The following CTNND2 variants were observed in gnomAD, a reference collection of about 807,000 sequenced individuals.
CTNND2 encodes the protein catenin delta-2.
In CTNND2, 22 loss-of-function variants were observed where a neutral mutation model predicts 144.4. The observed-to-expected ratio is 0.15, with a 90% CI of 0.11 to 0.22. CTNND2 has a LOEUF of 0.22. CTNND2 is among the 10% of genes least tolerant of loss of function. CTNND2 has a pLI of 1.00. For synonymous variants in CTNND2, 751 were observed against 695.6 expected (o/e 1.08, Z -1.25); for missense variants, 1,353 against 1,618.8 (o/e 0.84, Z 2.82).
intron 9 of CTNND2, among the ~76,000 whole-genome samples, chr5:11,316,429 T>C (rs1389396661): frequency 1.3e-5 from 2 of 151,356 alleles, no homozygotes. Context: ...TTTTAATCTT[T>C]TGGGGGCTCC....
At chr5:11,330,882 T>C (rs1411186466) in intron 9 of CTNND2, among the ~76,000 whole-genome samples, 1 of 152,118 alleles carries the variant, frequency 6.6e-6, no homozygotes, top group Non-Finnish European at 1.5e-5. Context: ...GGACACTGTT[T>C]AGCAAACATA....
At chr5:11,825,334 T>C (rs1793543082) in intron 1 of CTNND2, among the ~76,000 whole-genome samples, 1 of 152,088 alleles carries the variant, frequency 6.6e-6, no homozygotes, top group African/African-American at 2.4e-5. Context: ...AAAAGTACCT[T>C]ATCAGCCTTA....
intron 14 of CTNND2, among the ~76,000 whole-genome samples, chr5:11,105,796 A>G (rs17787646): frequency 0.073 from 11,178 of 152,186 alleles, 549 homozygotes; most frequent in Non-Finnish European, 0.1. Flanking sequence ...GGCTCATGAG[A>G]TATGTTGCTT....
intron 5 of CTNND2, among the ~76,000 whole-genome samples, chr5:11,399,310 T>A (rs1369113721): frequency 2.0e-5 from 3 of 152,156 alleles, no homozygotes; most frequent in African/African-American, 7.2e-5. Flanking sequence ...GCACAGACCT[T>A]TGGAAATATC....
intron 1 of CTNND2, among the ~76,000 whole-genome samples, chr5:11,873,581 T>C (rs956724060): frequency 6.6e-6 from 1 of 152,232 alleles, no homozygotes; most frequent in African/African-American, 2.4e-5. Context: ...ACATGTTGTG[T>C]ATAAGTCACC....
intron 9 of CTNND2, among the ~76,000 whole-genome samples, chr5:11,238,560 C>G (rs1206780278): frequency 6.6e-6 from 1 of 152,168 alleles, no homozygotes; most frequent in Non-Finnish European, 1.5e-5. Flanking sequence ...GCTTCCTTTA[C>G]AGCAAGTGAA....
intron 20 of CTNND2, chr5:10,986,581 G>C (rs1737984975): frequency 2.2e-6 from 1 of 453,508 alleles, no homozygotes; most frequent in Admixed American, 2.4e-5. Flanking sequence ...AGCTTTCTTT[G>C]TTCCTGTTCA....
At chr5:11,540,161 C>T (rs972632616) in intron 3 of CTNND2, among the ~76,000 whole-genome samples, 3 of 152,158 alleles carry the variant, frequency 2.0e-5, no homozygotes, top group African/African-American at 4.8e-5. Context: ...TACAAATGGA[C>T]GCCCTATACA....
chr5:11,847,693 T>A (rs1794813274), intron 1 of CTNND2, among the ~76,000 whole-genome samples: 2 of 152,134 alleles, frequency 1.3e-5, no homozygotes, highest in South Asian at 4.1e-4. Context: ...CCCTGCTTTG[T>A]TCATTATACT....
chr5:11,644,985 C>T (rs1393726445), intron 2 of CTNND2, among the ~76,000 whole-genome samples: 1 of 151,944 alleles, frequency 6.6e-6, no homozygotes, highest in African/African-American at 2.4e-5. Context: ...TTGTAAGAGA[C>T]GGGGTCTCAC....
intron 1 of CTNND2, among the ~76,000 whole-genome samples, chr5:11,774,570 A>AT (rs200485577): frequency 0.014 from 2,125 of 150,440 alleles, 84 homozygotes; most frequent in African/African-American, 0.049. Flanking sequence ...TTAAAAAAAA[A>AT]AACAATGATG....
intron 1 of CTNND2, among the ~76,000 whole-genome samples, chr5:11,880,147 C>T (rs769094211): frequency 8.5e-5 from 13 of 152,150 alleles, no homozygotes; most frequent in Non-Finnish European, 1.6e-4. Context: ...TCCTGATACA[C>T]AACCCCCCTT....
chr5:10,978,046 A>C (rs1239729718), intron 21 of CTNND2, among the ~76,000 whole-genome samples: 1 of 152,194 alleles, frequency 6.6e-6, no homozygotes, highest in Non-Finnish European at 1.5e-5. Context: ...ACCCAGTGTG[A>C]AGCCTGTGAG....
chr5:11,517,177 G>T (rs1340792590), intron 3 of CTNND2, among the ~76,000 whole-genome samples: 1 of 152,136 alleles, frequency 6.6e-6, no homozygotes, highest in African/African-American at 2.4e-5. Context: ...AAATACACTC[G>T]AATCATGCAA....
intron 1 of CTNND2, among the ~76,000 whole-genome samples, chr5:11,786,270 G>T (rs1790825015): frequency 6.6e-6 from 1 of 152,196 alleles, no homozygotes; most frequent in East Asian, 1.9e-4. Context: ...AAAGTAAAGT[G>T]TAAGACTGCC....
At chr5:11,034,502 C>A (rs1007414248) in intron 16 of CTNND2, among the ~76,000 whole-genome samples, 2 of 152,184 alleles carry the variant, frequency 1.3e-5, no homozygotes, top group Non-Finnish European at 2.9e-5. Context: ...CACATATATG[C>A]GCTTCAAATA....
At chr5:11,543,579 T>G (rs761754107) in intron 3 of CTNND2, among the ~76,000 whole-genome samples, 16 of 152,088 alleles carry the variant, frequency 1.1e-4, no homozygotes, top group Non-Finnish European at 2.1e-4. Context: ...AACCACTGAA[T>G]TTTACACTTA....
intron 2 of CTNND2, among the ~76,000 whole-genome samples, chr5:11,720,197 G>A (rs1001265916): frequency 6.6e-6 from 1 of 152,044 alleles, no homozygotes; most frequent in Admixed American, 6.6e-5. Context: ...TGGCATCTTT[G>A]AGACCATTTT....
chr5:11,088,134 G>T (rs9312755), intron 15 of CTNND2, among the ~76,000 whole-genome samples: 15,273 of 152,172 alleles, frequency 0.1, 1,337 homozygotes, highest in African/African-American at 0.23. Context: ...TCATCCTTGT[G>T]TGCAACTGGT....
Sources: allele counts gnomAD v4.1 joint callset (sites outside exome capture counted in the v4.1 genomes callset), GRCh38; gene constraint gnomAD v4.1.1; transcripts MANE v1.5; gene names NCBI Gene and HGNC (gene_info 2026-07-23, HGNC 2026-07-21).